The following ATAD1 variants were observed in gnomAD, a reference collection of about 807,000 sequenced individuals.
ATAD1 encodes ATPase family AAA domain containing 1.
A neutral mutation model predicts 42.7 loss-of-function variants in ATAD1; 18 were observed. That is an observed-to-expected ratio of 0.42 (90% CI 0.29 to 0.63). The LOEUF is 0.63. ATAD1 is among the 20% of genes least tolerant of loss of function. ATAD1 has a pLI of 0.19. For missense variants in ATAD1, 294 were observed against 440.4 expected, an observed-to-expected ratio of 0.67 and a Z score of 2.98; for synonymous variants, 132 against 143.1, an observed-to-expected ratio of 0.92 and a Z score of 0.55.
Position 87,784,615 on chromosome 10 carries a change from T to C in ATAD1, c.438A>G (p.Thr146=), listed in dbSNP as rs772091404. 1 of 1,613,270 alleles carries C rather than the reference T, an allele frequency of 6.2e-7. No individual in the cohort carries two copies. Among genetic ancestry groups the C allele is most frequent in the Admixed American group, 1.7e-5 (1 of 60,016 alleles). ...TAAATCGACAGCCTGCTTCTTTGGCTGTGGCCTTGGCAATCAACGTTTTAC... is the reference window on the plus strand; with the variant it reads ...TAAATCGACAGCCTGCTTCTTTGGCCGTGGCCTTGGCAATCAACGTTTTAC... ...GCGKTLIAKA[T]AKEAGCRFIN... The change falls in exon 5 of 10, where the codon ACA becomes ACG. Residue 146 remains threonine, a synonymous_variant. Transcript: ENST00000680024.
At position 87,795,966 on chromosome 10, in the gene ATAD1, T is replaced by G. The variant is rs78238659; in HGVS notation, c.163-3211A>C. ...CTTTTTACCAAGGTCATAGCTGAAG[T>G]GTTCCAATTTAAGTGTATGCAGACG... On this transcript the variant is annotated intron_variant, in intron 2 of 9. Transcript: ENST00000680024. 4.6e-5 allele frequency among the ~76,000 whole-genome samples: 7 copies of G among 152,368 alleles called. No individual in the cohort carries two copies. In the East Asian group the frequency reaches 1.3e-3, roughly 29 times the overall value.
chr10:87,774,954 CAACAA>C (rs958561892), intron 6 of ATAD1, among the ~76,000 whole-genome samples: 3 of 151,832 alleles, frequency 2.0e-5, no homozygotes, highest in African/African-American at 4.8e-5. Flanking sequence ...GACCCTGTCT[CAACAA>C]AACAAAACAA....
chr10:87,807,741 T>C (rs918406149), intron 2 of ATAD1, among the ~76,000 whole-genome samples: 33 of 152,198 alleles, frequency 2.2e-4, no homozygotes, highest in Admixed American at 1.3e-3. Context: ...TTTTACATTA[T>C]ATATTTAATT....
At chr10:87,799,243 T>C (rs1003505132) in intron 2 of ATAD1, among the ~76,000 whole-genome samples, 1 of 152,224 alleles carries the variant, frequency 6.6e-6, no homozygotes. Context: ...ACTATTAAGG[T>C]GTCAAAATTT....
chr10:87,815,789 C>T (rs1177929809), intron 1 of ATAD1, among the ~76,000 whole-genome samples: 1 of 152,230 alleles, frequency 6.6e-6, no homozygotes, highest in South Asian at 2.1e-4. Context: ...TTCCTTTATA[C>T]GTTTCCCAAG....
At chr10:87,822,422 T>C (rs955061085), upstream of ATAD1, among the ~76,000 whole-genome samples, 4 of 152,114 alleles carry the variant, frequency 2.6e-5, no homozygotes, top group African/African-American at 7.2e-5. Flanking sequence ...AAAGATAATA[T>C]AGAACACAAT....
At chr10:87,798,112 C>G (rs1266937823) in intron 2 of ATAD1, among the ~76,000 whole-genome samples, 3 of 151,462 alleles carry the variant, frequency 2.0e-5, no homozygotes, top group African/African-American at 7.3e-5. Context: ...CCTGATCATC[C>G]CATGTTTTGA....
At chr10:87,786,453 A>G (rs1855837373) in intron 4 of ATAD1, among the ~76,000 whole-genome samples, 2 of 152,190 alleles carry the variant, frequency 1.3e-5, no homozygotes, top group Admixed American at 1.3e-4. Flanking sequence ...AGCAGGATTA[A>G]GTTTTTCCTC....
chr10:87,821,096 A>T (rs1388687296), upstream of ATAD1, among the ~76,000 whole-genome samples: 1 of 152,202 alleles, frequency 6.6e-6, no homozygotes, highest in East Asian at 1.9e-4. Flanking sequence ...CTGTATCAGT[A>T]ACTCTTAAAA....
At chr10:87,782,793 T>G (rs910705601) in intron 5 of ATAD1, among the ~76,000 whole-genome samples, 5 of 152,054 alleles carry the variant, frequency 3.3e-5, no homozygotes, top group Non-Finnish European at 5.9e-5. Context: ...CCCCAGGAGT[T>G]GGGGACCAAC....
intron 2 of ATAD1, among the ~76,000 whole-genome samples, chr10:87,809,519 T>A (rs948428083): frequency 7.0e-6 from 1 of 142,484 alleles, no homozygotes; most frequent in African/African-American, 2.6e-5. Context: ...GCACACTCAA[T>A]TGAACTTTCA....
intron 8 of ATAD1, 34 bp downstream of exon 8, chr10:87,767,639 T>C (rs1230202054): frequency 1.4e-5 from 22 of 1,559,994 alleles, no homozygotes; most frequent in Non-Finnish European, 1.8e-5. Flanking sequence ...ATCAGATTTA[T>C]AGGACGGGGA....
chr10:87,796,448 G>T (rs1483948898), intron 2 of ATAD1, among the ~76,000 whole-genome samples: 1 of 152,156 alleles, frequency 6.6e-6, no homozygotes, highest in Non-Finnish European at 1.5e-5. Context: ...CTATGACCTG[G>T]AAGCCCCCTC....
intron 9 of ATAD1, among the ~76,000 whole-genome samples, chr10:87,755,249 G>A (rs1427223327): frequency 1.3e-5 from 2 of 152,162 alleles, no homozygotes; most frequent in Non-Finnish European, 2.9e-5. Context: ...TTACATGCAT[G>A]TTTTGCTTTT....
At chr10:87,800,620 AT>A (rs796291287) in intron 2 of ATAD1, among the ~76,000 whole-genome samples, 4 of 151,932 alleles carry the variant, frequency 2.6e-5, no homozygotes, top group African/African-American at 9.7e-5. Flanking sequence ...AAAAAAAAAA[AT>A]TTTTAATTAA....
chr10:87,796,757 T>C (rs751051512), intron 2 of ATAD1, among the ~76,000 whole-genome samples: 1 of 152,180 alleles, frequency 6.6e-6, no homozygotes, highest in Non-Finnish European at 1.5e-5. Context: ...AAATATCCTA[T>C]CGGAGCTTGA....
intron 2 of ATAD1, among the ~76,000 whole-genome samples, chr10:87,811,885 C>T (rs973249016): frequency 3.3e-5 from 5 of 152,202 alleles, no homozygotes; most frequent in African/African-American, 4.8e-5. Flanking sequence ...CAAATGTCAT[C>T]TTCTCATAAA....
intron 3 of ATAD1, 117 bp from the exon 4 acceptor site, chr10:87,790,547 T>C: frequency 1.8e-6 from 2 of 1,090,812 alleles, no homozygotes; most frequent in East Asian, 5.9e-5. Context: ...TAAGTTAAAA[T>C]CATATATTAA....
At chr10:87,765,350 C>T (rs929352711) in intron 8 of ATAD1, among the ~76,000 whole-genome samples, 4 of 152,060 alleles carry the variant, frequency 2.6e-5, no homozygotes, top group Middle Eastern at 3.4e-3. Flanking sequence ...AGGAATACCA[C>T]GTTATTCAAT....
Sources: gnomAD v4.1 joint callset for allele counts (sites outside exome capture counted in the v4.1 genomes callset) on GRCh38, gnomAD v4.1.1 for gene constraint, MANE v1.5 for transcripts, NCBI Gene and HGNC (gene_info 2026-07-23, HGNC 2026-07-21) for gene names.